Variants in GRK5 observed in about 807,000 individuals in gnomAD.
The protein encoded by GRK5 is G protein-coupled receptor kinase 5, also known as g protein-coupled receptor kinase GRK5.
Under a neutral mutation model 78.4 loss-of-function variants are expected in GRK5, and 40 were observed. The observed-to-expected ratio is 0.51, with a 90% confidence interval of 0.40 to 0.66. The LOEUF (loss-of-function observed/expected upper bound fraction) is 0.66, where lower values mean the gene tolerates loss of function less well. Ranked by LOEUF, GRK5 falls within the 30% of genes least tolerant of loss-of-function variation. GRK5 has a pLI of 0.00. For synonymous variants in GRK5, 289 were observed against 296.8 expected, an observed-to-expected ratio of 0.97 and a Z score of 0.27; for missense variants, 598 against 759.9, an observed-to-expected ratio of 0.79 and a Z score of 2.50.
chr10:119,311,163 C>G (rs1055137493), intron 1 of GRK5, among the ~76,000 whole-genome samples: 3 of 152,192 alleles, frequency 2.0e-5, no homozygotes, highest in African/African-American at 7.2e-5. Flanking sequence ...TGGAAATGAT[C>G]TCTTCCCTTC....
At chr10:119,427,832 CTG>C (rs1852730120) in intron 6 of GRK5, among the ~76,000 whole-genome samples, 2 of 152,182 alleles carry the variant, frequency 1.3e-5, no homozygotes, top group African/African-American at 2.4e-5. Context: ...ATCAGCATCA[CTG>C]CCATCATCAG....
intron 2 of GRK5, among the ~76,000 whole-genome samples, chr10:119,380,427 A>G (rs1207354817): frequency 6.6e-6 from 1 of 152,166 alleles, no homozygotes; most frequent in African/African-American, 2.4e-5. Flanking sequence ...GTTCCCAGGG[A>G]GTCTGCAGTC....
chr10:119,365,436 A>C (rs1177518298), intron 2 of GRK5, among the ~76,000 whole-genome samples: 1 of 152,210 alleles, frequency 6.6e-6, no homozygotes, highest in Non-Finnish European at 1.5e-5. Flanking sequence ...ACAGGCCTTC[A>C]GGCTGACAGA....
intron 2 of GRK5, among the ~76,000 whole-genome samples, chr10:119,329,857 C>CTTTTTTT (rs1177940254): frequency 9.1e-6 from 1 of 110,386 alleles, no homozygotes; most frequent in East Asian, 3.1e-4. Flanking sequence ...CAGACACCTA[C>CTTTTTTT]TTTTTTTTTT....
At chr10:119,232,633 G>T (rs944359752) in intron 1 of GRK5, among the ~76,000 whole-genome samples, 11 of 152,124 alleles carry the variant, frequency 7.2e-5, no homozygotes, top group African/African-American at 2.7e-4. Context: ...AGATCTGATG[G>T]TTATTATAAA....
At chr10:119,300,106 C>T (rs1589730272) in intron 1 of GRK5, among the ~76,000 whole-genome samples, 1 of 152,102 alleles carries the variant, frequency 6.6e-6, no homozygotes, top group African/African-American at 2.4e-5. Context: ...TTTCTTTAAA[C>T]TTAAAATGTT....
At chr10:119,368,677 G>A (rs185533358) in intron 2 of GRK5, among the ~76,000 whole-genome samples, 220 of 152,346 alleles carry the variant, frequency 1.4e-3, no homozygotes, top group African/African-American at 4.9e-3. Flanking sequence ...CCCATGCACC[G>A]ATGTGCTTTC....
chr10:119,251,469 G>A (rs191917509), intron 1 of GRK5, among the ~76,000 whole-genome samples: 4 of 152,324 alleles, frequency 2.6e-5, no homozygotes, highest in South Asian at 2.1e-4. Flanking sequence ...GCTGTCTCCC[G>A]AAGCCTTGGC....
intron 4 of GRK5, among the ~76,000 whole-genome samples, chr10:119,411,615 A>G (rs1368592946): frequency 1.3e-5 from 2 of 152,230 alleles, no homozygotes; most frequent in East Asian, 3.9e-4. Context: ...GAATATTGAG[A>G]AGGAGAAAAG....
rs535165760 is a variant in GRK5 at position 119,408,275 on chromosome 10, G to A, written c.339+11503G>A. Among the ~76,000 whole-genome samples the A allele has an allele frequency of 2.1e-5, 3 of 144,184 alleles. No individual in the cohort carries two copies. The South Asian group carries it at 6.5e-4, about 31-fold the overall frequency. 94.6% of individuals were successfully genotyped at this position (144,184 alleles called of 152,430 possible). On this transcript the variant is annotated intron_variant, in intron 4 of 15. Coordinates refer to ENST00000392870, the MANE Select transcript of GRK5 (RefSeq NM_005308.3). Reference sequence around the variant, plus strand: ...GAATCACCTGAGCTCTGGAGTTCAAGGCTGCAGTGTGAGCTATGATTGCAC... The same window carrying A: ...GAATCACCTGAGCTCTGGAGTTCAAAGCTGCAGTGTGAGCTATGATTGCAC...
At chr10:119,425,696 G>T (rs546006591) in intron 6 of GRK5, among the ~76,000 whole-genome samples, 2 of 152,208 alleles carry the variant, frequency 1.3e-5, no homozygotes, top group Non-Finnish European at 2.9e-5. Context: ...TTCCTATCCC[G>T]TGAGTGAGCA....
In GRK5 at chr10:119,271,160, A is replaced by G. The variant is rs1479086872; in HGVS notation, c.53-55356A>G. ...GACCTGGGGTGGCGCCGGCGCCGTT[A>G]GGGAGGGAGTGTTCACCGGAAACCT... On this transcript the variant is annotated intron_variant, in intron 1 of 15. Transcript: ENST00000392870. The surrounding 1 kb of genome is among the most constrained non-coding windows in gnomAD (Gnocchi z 4.1). 6.6e-6 allele frequency among the ~76,000 whole-genome samples: 1 copy of G among 152,200 alleles called. No homozygotes were observed. The highest frequency in any genetic ancestry group is 1.5e-5 in the Non-Finnish European group (1 of 68,026).
chr10:119,234,324 C>T (rs773598497), intron 1 of GRK5, among the ~76,000 whole-genome samples: 1 of 152,202 alleles, frequency 6.6e-6, no homozygotes, highest in South Asian at 2.1e-4. Flanking sequence ...ACGTTCCTCA[C>T]GTTGGTGTTG....
At chr10:119,311,928 T>C (rs1477729932) in intron 1 of GRK5, among the ~76,000 whole-genome samples, 42 of 151,088 alleles carry the variant, frequency 2.8e-4, no homozygotes, top group Admixed American at 2.6e-3. Context: ...TTTTTTTTTT[T>C]TTTTTGAGAC....
At chr10:119,214,816 C>T (rs535711016) in intron 1 of GRK5, among the ~76,000 whole-genome samples, 75 of 152,332 alleles carry the variant, frequency 4.9e-4, no homozygotes, top group African/African-American at 1.6e-3. Flanking sequence ...CCACCACGCC[C>T]GGCCAACACT....
At position 119,271,705 on chromosome 10, in the gene GRK5, G is replaced by A. The variant is rs1005702488; in HGVS notation, c.53-54811G>A. On this transcript the variant is annotated intron_variant, in intron 1 of 15. Coordinates refer to ENST00000392870, the MANE Select transcript of GRK5 (RefSeq NM_005308.3). This position sits in a 1 kb window ranked among gnomAD's most constrained non-coding sequence, Gnocchi z 4.1. ...TTTGACTCGTCAGGGAAAAACAGGT[G>A]TGTGAGCACTAGGTTGGTGACGAGG... Among the ~76,000 whole-genome samples the A allele has an allele frequency of 1.3e-5, 2 of 152,222 alleles. No homozygotes were observed.
intron 1 of GRK5, among the ~76,000 whole-genome samples, chr10:119,303,436 C>T (rs1168371424): frequency 6.6e-6 from 1 of 152,028 alleles, no homozygotes; most frequent in African/African-American, 2.4e-5. Context: ...GATGGTCAGG[C>T]AGGGGCACAG....
intron 2 of GRK5, among the ~76,000 whole-genome samples, chr10:119,338,903 G>A (rs190339879): frequency 6.6e-6 from 1 of 152,314 alleles, no homozygotes; most frequent in Admixed American, 6.5e-5. Context: ...TTTCCACCTA[G>A]TTTTTGCCAT....
intron 1 of GRK5, among the ~76,000 whole-genome samples, chr10:119,219,548 C>G (rs1848629766): frequency 6.6e-6 from 1 of 152,034 alleles, no homozygotes; most frequent in Non-Finnish European, 1.5e-5. Context: ...AAGAAGAGAG[C>G]CGAGAAAGTG....
Sources: gnomAD v4.1 joint callset for allele counts (sites outside exome capture counted in the v4.1 genomes callset) on GRCh38, gnomAD v4.1.1 for gene constraint, Gnocchi (gnomAD v3.1) non-coding constraint, MANE v1.5 for transcripts, NCBI Gene and HGNC (gene_info 2026-07-23, HGNC 2026-07-21) for gene names.